Variants in SRPX observed in about 807,000 individuals in gnomAD.
The protein encoded by SRPX is sushi repeat containing protein X-linked, also known as sushi repeat-containing protein SRPX.
A neutral mutation model predicts 38.1 loss-of-function variants in SRPX; 24 were observed. The ratio of observed to expected loss-of-function variants is 0.63; its 90% CI spans 0.46 to 0.89. The LOEUF is 0.89. Among genes scored for constraint, SRPX ranks in the 40% least tolerant of loss-of-function variants. The probability of loss-of-function intolerance (pLI) is 0.00; values close to 1 mark genes in which losing one functional copy is unlikely to be tolerated. For missense variants in SRPX, 416 were observed against 377.8 expected (o/e 1.10, Z -0.84); for synonymous variants, 184 against 153.8 (o/e 1.20, Z -1.45).
chrX:38,152,944 T>A (rs1040304990), intron 9 of SRPX, among the ~76,000 whole-genome samples: 1 of 112,691 alleles, frequency 8.9e-6, no homozygotes, highest in Non-Finnish European at 1.9e-5. Flanking sequence ...TTAAGTTTTG[T>A]ACACTTCAAC....
At chrX:38,180,576 C>T (rs1938649461) in intron 1 of SRPX, among the ~76,000 whole-genome samples, 1 of 112,200 alleles carries the variant, frequency 8.9e-6, no homozygotes, top group Non-Finnish European at 1.9e-5. Flanking sequence ...CACACTCAAC[C>T]TGCTCAAAAC....
chrX:38,162,435 T>C (rs769155758), intron 5 of SRPX, among the ~76,000 whole-genome samples: 5 of 112,367 alleles, frequency 4.4e-5, no homozygotes, highest in Non-Finnish European at 9.4e-5. Flanking sequence ...GCTCTAAGCC[T>C]TTCTGGCCTC....
Position 38,180,105 on chromosome X carries a change from T to TA in SRPX, c.98-1762dup, listed in dbSNP as rs35874204. 4.9e-3 allele frequency among the ~76,000 whole-genome samples: 543 copies of TA among 110,039 alleles called. 2 individuals are homozygous for TA. Among genetic ancestry groups the TA allele is most frequent in the African/African-American group, 0.017 (518 of 30,284 alleles). On this transcript the variant is annotated intron_variant, in intron 1 of 9. Coordinates refer to ENST00000378533, the MANE Select transcript of SRPX (RefSeq NM_006307.5). ...CATGTGAACCTTCAATCATCCAAAT[T>TA]AAAAAAAAATCCAGATACATGAGCA...
chrX:38,220,749 GGCAGCAGCAGCA>G lies in SRPX; in HGVS notation c.32_43del (p.Leu11_Leu14del). 1.8e-6 allele frequency: 2 copies of G among 1,140,673 alleles called. No individual in the cohort carries two copies. Among genetic ancestry groups the G allele is most frequent in the Non-Finnish European group, 2.3e-6 (2 of 861,486 alleles). The allele number at this position is 1,140,673 out of a possible 1,213,427, so 94.0% of individuals were successfully genotyped here. On this transcript the variant is annotated inframe_deletion, in exon 1 of 10. Transcript: ENST00000378533. ...CAGCAGCAGCAGCAGCAGCAGAGGC[GGCAGCAGCAGCA>G]GCAGCGCGGGCCGATGTGCGGGGCT... is the stretch of plus-strand genomic sequence containing the variant.
intron 1 of SRPX, among the ~76,000 whole-genome samples, chrX:38,211,759 T>C (rs1178152768): frequency 1.8e-5 from 2 of 110,916 alleles, no homozygotes; most frequent in African/African-American, 6.6e-5. Context: ...AAACTACTAC[T>C]TACCCAACTC....
intron 1 of SRPX, among the ~76,000 whole-genome samples, chrX:38,218,833 G>A (rs905364492): frequency 9.0e-6 from 1 of 111,700 alleles, no homozygotes; most frequent in African/African-American, 3.3e-5. Context: ...CCCTCCTCTG[G>A]ATCTCACAAC....
chrX:38,165,056 T>C (rs1373844127), intron 4 of SRPX, among the ~76,000 whole-genome samples, 161 bp from the exon 5 acceptor site: 1 of 111,969 alleles, frequency 8.9e-6, no homozygotes, highest in Non-Finnish European at 1.9e-5. Flanking sequence ...ATAATGCTTT[T>C]ACTCTCCTGC....
intron 1 of SRPX, among the ~76,000 whole-genome samples, chrX:38,189,846 C>T (rs1938863314): frequency 8.9e-6 from 1 of 111,858 alleles, no homozygotes. Context: ...GTTTGTTTCC[C>T]CTTACTGCCC....
At chrX:38,178,430 T>C (rs752147373) in intron 1 of SRPX, 86 bp from the exon 2 acceptor site, 13 of 774,671 alleles carry the variant, frequency 1.7e-5, no homozygotes, top group Non-Finnish European at 1.3e-5. Context: ...CCACAGACCA[T>C]GCAGGAGGTG....
chrX:38,194,757 G>T (rs1371479725), intron 1 of SRPX, among the ~76,000 whole-genome samples: 2 of 110,272 alleles, frequency 1.8e-5, no homozygotes, highest in East Asian at 5.6e-4. Flanking sequence ...AATGTTAAGT[G>T]AAGAAAAGCA....
intron 1 of SRPX, among the ~76,000 whole-genome samples, chrX:38,200,957 A>T (rs1224500656): frequency 8.9e-6 from 1 of 112,013 alleles, no homozygotes; most frequent in Non-Finnish European, 1.9e-5. Flanking sequence ...AAATGAGCTA[A>T]TGTCAATAAA....
intron 1 of SRPX, among the ~76,000 whole-genome samples, chrX:38,194,533 G>A (rs1161603009): frequency 8.9e-6 from 1 of 112,176 alleles, no homozygotes; most frequent in African/African-American, 3.2e-5. Flanking sequence ...TAGGTACTTA[G>A]TCTAGAGAAA....
chrX:38,167,829 C>T (rs1320995939), intron 4 of SRPX, among the ~76,000 whole-genome samples: 2 of 111,835 alleles, frequency 1.8e-5, no homozygotes, highest in Non-Finnish European at 3.8e-5. Flanking sequence ...GGCACAATAT[C>T]GGCTCACTGC....
At chrX:38,151,886 T>C (rs1284094468) in intron 9 of SRPX, among the ~76,000 whole-genome samples, 4 of 110,833 alleles carry the variant, frequency 3.6e-5, no homozygotes, top group African/African-American at 6.6e-5. Context: ...CCTGTCTTCC[T>C]TGAGATTGCT....
chrX:38,166,569 T>TA (rs1938367680), intron 4 of SRPX, among the ~76,000 whole-genome samples: 1 of 112,290 alleles, frequency 8.9e-6, no homozygotes, highest in Non-Finnish European at 1.9e-5. Flanking sequence ...ACTCAGCTGT[T>TA]ACGTTTTTAA....
At chrX:38,166,118 A>G (rs1271263614) in intron 4 of SRPX, among the ~76,000 whole-genome samples, 2 of 112,650 alleles carry the variant, frequency 1.8e-5, no homozygotes, top group African/African-American at 3.2e-5. Flanking sequence ...ATATCAACTG[A>G]TAAGTATTAA....
chrX:38,167,418 G>A (rs192020384), intron 4 of SRPX, among the ~76,000 whole-genome samples: 2 of 111,025 alleles, frequency 1.8e-5, no homozygotes, highest in East Asian at 2.8e-4. Flanking sequence ...CTTCTCTCTC[G>A]GCTGGTGAGA....
intron 4 of SRPX, among the ~76,000 whole-genome samples, chrX:38,170,016 A>C (rs1402001915): frequency 2.7e-5 from 3 of 111,863 alleles, no homozygotes; most frequent in African/African-American, 9.7e-5. Context: ...TTCCTCCTAC[A>C]TTGACTTATT....
Position 38,186,219 on chromosome X carries a change from C to T in SRPX, c.98-7875G>A, listed in dbSNP as rs895313205. ...CAAGTTAGCTGCCAAGTCATGAGGGCGCCCTGTGGAGTGGCCCATGTGTTG... is the reference window on the plus strand; with the variant it reads ...CAAGTTAGCTGCCAAGTCATGAGGGTGCCCTGTGGAGTGGCCCATGTGTTG... On this transcript the variant is annotated intron_variant, in intron 1 of 9. Transcript: ENST00000378533. 1.7e-4 allele frequency among the ~76,000 whole-genome samples: 19 copies of T among 111,101 alleles called. 1 individual carries two copies. Among genetic ancestry groups the T allele is most frequent in the African/African-American group, 3.9e-4 (12 of 30,491 alleles).
Sources: allele counts gnomAD v4.1 joint callset (sites outside exome capture counted in the v4.1 genomes callset), GRCh38; gene constraint gnomAD v4.1.1; transcripts MANE v1.5; gene names NCBI Gene and HGNC (gene_info 2026-07-23, HGNC 2026-07-21).